FYN: variants seen among roughly 807,000 people sequenced by gnomAD.
FYN encodes FYN proto-oncogene, Src family tyrosine kinase, also known as tyrosine-protein kinase Fyn.
FYN carries 10 observed loss-of-function variants against 70.2 expected under a neutral mutation model. That is an observed-to-expected ratio of 0.14 (90% confidence interval 0.09 to 0.24). The LOEUF is 0.24. Ranked by LOEUF, FYN falls within the 10% of genes least tolerant of loss-of-function variation. The pLI, the probability that FYN is intolerant of heterozygous loss-of-function variation, is 1.00. For synonymous variants in FYN, 236 were observed against 248.6 expected (o/e 0.95, Z 0.48); for missense variants, 319 against 673.1 (o/e 0.47, Z 5.82).
intron 3 of FYN, among the ~76,000 whole-genome samples, chr6:111,745,421 G>A (rs1693359981): frequency 6.6e-6 from 1 of 152,186 alleles, no homozygotes; most frequent in South Asian, 2.1e-4. Context: ...GGGCCTGTGG[G>A]AAGGACTGGT....
intron 3 of FYN, among the ~76,000 whole-genome samples, chr6:111,727,242 G>T (rs987134357): frequency 2.6e-5 from 4 of 152,150 alleles, no homozygotes; most frequent in Non-Finnish European, 5.9e-5. Flanking sequence ...GCATATTAAT[G>T]ACTATTTGGG....
chr6:111,705,779 G>A (rs1045199923), intron 6 of FYN, among the ~76,000 whole-genome samples: 6 of 152,154 alleles, frequency 3.9e-5, no homozygotes, highest in Non-Finnish European at 8.8e-5. Flanking sequence ...AACCAGGGAT[G>A]TGGAGGTTGC....
chr6:111,827,021 C>T (rs974192382), intron 2 of FYN, among the ~76,000 whole-genome samples: 1 of 152,170 alleles, frequency 6.6e-6, no homozygotes, highest in African/African-American at 2.4e-5. Context: ...CTTATCAGAG[C>T]TCTTTCCAGC....
At chr6:111,758,956 C>T (rs889712689) in intron 3 of FYN, 4 of 152,700 alleles carry the variant, frequency 2.6e-5, no homozygotes, top group Admixed American at 2.6e-4. Flanking sequence ...CACACACTCT[C>T]CAGCCAGGAT....
intron 3 of FYN, among the ~76,000 whole-genome samples, chr6:111,774,569 T>TC (rs565949802): frequency 2.8e-4 from 41 of 146,704 alleles, no homozygotes; most frequent in African/African-American, 9.6e-4. Flanking sequence ...CCCCTCCCCA[T>TC]CCCCCCCACA....
intron 3 of FYN, among the ~76,000 whole-genome samples, chr6:111,752,836 G>A (rs1359713842): frequency 6.6e-6 from 1 of 151,994 alleles, no homozygotes; most frequent in African/African-American, 2.4e-5. Flanking sequence ...GTCCAGTTCA[G>A]TGTTAATAAT....
intron 3 of FYN, among the ~76,000 whole-genome samples, chr6:111,748,678 T>C (rs1458859096): frequency 6.6e-6 from 1 of 152,208 alleles, no homozygotes; most frequent in Non-Finnish European, 1.5e-5. Flanking sequence ...GTATAAAGCA[T>C]ATAACCAGGT....
intron 8 of FYN, among the ~76,000 whole-genome samples, chr6:111,701,494 T>C (rs1046905310): frequency 1.3e-5 from 2 of 152,162 alleles, no homozygotes; most frequent in Non-Finnish European, 2.9e-5. Context: ...AGGCATTTTA[T>C]TGTGTGAGAG....
chr6:111,801,847 TC>T (rs1771995946), intron 2 of FYN, among the ~76,000 whole-genome samples: 1 of 152,092 alleles, frequency 6.6e-6, no homozygotes, highest in Admixed American at 6.5e-5. Context: ...CCATCTCAGC[TC>T]CCCACAACTC....
intron 3 of FYN, among the ~76,000 whole-genome samples, chr6:111,773,015 G>A (rs1388196362): frequency 2.0e-5 from 3 of 151,234 alleles, no homozygotes; most frequent in South Asian, 4.2e-4. Flanking sequence ...CTTAGGGGAC[G>A]GGTGGTGAAA....
At chr6:111,846,178 G>A (rs1016520228) in intron 2 of FYN, among the ~76,000 whole-genome samples, 1 of 152,186 alleles carries the variant, frequency 6.6e-6, no homozygotes, top group Admixed American at 6.5e-5. Flanking sequence ...AGCCATCTGA[G>A]AGTGGAGGAA....
At chr6:111,698,926 T>C (rs1799700693) in intron 9 of FYN, among the ~76,000 whole-genome samples, 1 of 151,734 alleles carries the variant, frequency 6.6e-6, no homozygotes, top group South Asian at 2.1e-4. Context: ...CTACTAAAAA[T>C]ACAAAAATTA....
At chr6:111,712,510 C>A (rs1800429226) in intron 5 of FYN, among the ~76,000 whole-genome samples, 3 of 150,216 alleles carry the variant, frequency 2.0e-5, no homozygotes, top group Admixed American at 2.0e-4. Context: ...CAGATCAAAC[C>A]TGACACTGTT....
Position 111,779,568 on chromosome 6 carries a change from A to T in FYN, c.-12+998T>A, listed in dbSNP as rs146794161. On this transcript the variant is annotated intron_variant, in intron 3 of 13. Transcript: ENST00000354650. ...CCTCACTGGTTGTGAGGATGGCAGG[A>T]AGGGAATTATTTAGCCAAGCTTGTC... is the stretch of plus-strand genomic sequence containing the variant. Among the ~76,000 whole-genome samples the T allele has an allele frequency of 6.6e-4, 101 of 152,248 alleles. 1 individual carries two copies. The East Asian group carries it at 0.017, about 26-fold the overall frequency.
At chr6:111,865,183 C>A (rs1302211949) in intron 1 of FYN, among the ~76,000 whole-genome samples, 2 of 152,168 alleles carry the variant, frequency 1.3e-5, no homozygotes, top group Non-Finnish European at 2.9e-5. Context: ...TTAATAGGTA[C>A]TCAATACATA....
At chr6:111,842,509 CCCA>C (rs1773393076) in intron 2 of FYN, among the ~76,000 whole-genome samples, 1 of 152,190 alleles carries the variant, frequency 6.6e-6, no homozygotes. Flanking sequence ...CGCGGTACAC[CCCA>C]AAGCCAATGT....
chr6:111,780,635 C>T lies in FYN; in HGVS notation c.-81G>A, dbSNP rs1212607927. On this transcript the variant is annotated splice_region_variant and 5_prime_UTR_variant, in exon 3 of 14. Coordinates refer to ENST00000354650, the MANE Select transcript of FYN (RefSeq NM_002037.5). ...CTTCTACAACAGAGGCAGGACTGGT[C>T]CTGAAAAACAATACCACAACAAAAG... The T allele has an allele frequency of 6.6e-6, 1 of 152,516 alleles. No individual in the cohort carries two copies. The highest frequency in any genetic ancestry group is 6.5e-5 in the Admixed American group (1 of 15,280). 9.4% of individuals were successfully genotyped at this position (152,516 alleles called of 1,614,324 possible).
intron 3 of FYN, among the ~76,000 whole-genome samples, chr6:111,776,786 T>C (rs948016721): frequency 1.3e-5 from 2 of 152,160 alleles, no homozygotes; most frequent in African/African-American, 4.8e-5. Flanking sequence ...TTGTCCTATA[T>C]CATAAATTGA....
At chr6:111,768,515 TTGAG>T (rs1803319437) in intron 3 of FYN, among the ~76,000 whole-genome samples, 1 of 152,182 alleles carries the variant, frequency 6.6e-6, no homozygotes, top group African/African-American at 2.4e-5. Context: ...GTGGATACAA[TTGAG>T]TAAGAGCAGG....
Sources: gnomAD v4.1 joint callset for allele counts (sites outside exome capture counted in the v4.1 genomes callset) on GRCh38, gnomAD v4.1.1 for gene constraint, MANE v1.5 for transcripts, NCBI Gene and HGNC (gene_info 2026-07-23, HGNC 2026-07-21) for gene names.